NCOA1: variants seen among roughly 807,000 people sequenced by gnomAD.
NCOA1 encodes Hin-2 protein.
Under a neutral mutation model 150.9 loss-of-function variants are expected in NCOA1, and 35 were observed. The ratio of observed to expected loss-of-function variants is 0.23; its 90% CI spans 0.18 to 0.31. NCOA1 has a LOEUF of 0.31. Ranked by LOEUF, NCOA1 falls within the 10% of genes least tolerant of loss-of-function variation. The probability of loss-of-function intolerance (pLI) is 1.00; values close to 1 mark genes in which losing one functional copy is unlikely to be tolerated. For synonymous variants in NCOA1, 590 were observed against 630.0 expected (o/e 0.94, Z 0.95); for missense variants, 1,491 against 1,749.3 (o/e 0.85, Z 2.63).
intron 22 of NCOA1, among the ~76,000 whole-genome samples, chr2:24,763,366 T>G (rs199740908): frequency 6.6e-6 from 1 of 151,654 alleles, no homozygotes. Context: ...GGTGAAACCC[T>G]GTCTCTACTA....
intron 19 of NCOA1, among the ~76,000 whole-genome samples, chr2:24,750,931 G>A (rs1664194888): frequency 6.8e-6 from 1 of 146,958 alleles, no homozygotes; most frequent in African/African-American, 2.5e-5. Context: ...GGAAGGAGGG[G>A]GGGAAGAGTG....
intron 18 of NCOA1, 76 bp from the exon 19 acceptor site, chr2:24,741,708 C>T: frequency 1.4e-6 from 2 of 1,457,758 alleles, no homozygotes; most frequent in Non-Finnish European, 1.8e-6. Flanking sequence ...AGCAAGTAGG[C>T]CTTAATCCAA....
At chr2:24,630,046 T>C (rs971358296) in intron 3 of NCOA1, among the ~76,000 whole-genome samples, 1 of 151,760 alleles carries the variant, frequency 6.6e-6, no homozygotes, top group Admixed American at 6.6e-5. Flanking sequence ...GGGGTTTCAC[T>C]GTGTTAGCCA....
intron 1 of NCOA1, among the ~76,000 whole-genome samples, chr2:24,517,182 G>T (rs1021273957): frequency 5.9e-5 from 9 of 151,406 alleles, no homozygotes; most frequent in African/African-American, 2.2e-4. Context: ...TTTATTTATT[G>T]ATTTTGATTA....
intron 1 of NCOA1, among the ~76,000 whole-genome samples, chr2:24,550,563 G>A (rs556337765): frequency 2.0e-5 from 3 of 152,294 alleles, no homozygotes; most frequent in Non-Finnish European, 4.4e-5. Flanking sequence ...CTGCCCCTAT[G>A]ATTCAGTTAC....
At chr2:24,673,341 AT>A in intron 6 of NCOA1, 24 bp from the exon 7 acceptor site, 6 of 1,467,098 alleles carry the variant, frequency 4.1e-6, no homozygotes, top group South Asian at 1.4e-5. Flanking sequence ...CAGATATGTG[AT>A]TTTTTTAAGT....
chr2:24,605,877 A>G (rs1433964687), intron 3 of NCOA1, among the ~76,000 whole-genome samples: 3 of 152,168 alleles, frequency 2.0e-5, no homozygotes, highest in African/African-American at 7.2e-5. Context: ...CTTTTGGCCA[A>G]GTTTTGTTTC....
At chr2:24,671,300 G>A (rs1671672854) in intron 6 of NCOA1, among the ~76,000 whole-genome samples, 1 of 152,044 alleles carries the variant, frequency 6.6e-6, no homozygotes, top group East Asian at 1.9e-4. Context: ...GGTATGTGTG[G>A]GGGATTGGTT....
chr2:24,610,492 C>A (rs950364712), intron 3 of NCOA1, among the ~76,000 whole-genome samples: 1 of 151,926 alleles, frequency 6.6e-6, no homozygotes, highest in Non-Finnish European at 1.5e-5. Flanking sequence ...AGTTCACTGA[C>A]TCTGTTTATT....
intron 4 of NCOA1, among the ~76,000 whole-genome samples, chr2:24,652,265 C>T (rs947343161): frequency 3.9e-5 from 6 of 152,054 alleles, no homozygotes; most frequent in Admixed American, 2.0e-4. Context: ...TTTTGGTTGT[C>T]ATTGAAATGA....
rs1444824257 is a variant in NCOA1, at chr2:24,679,724, G to A, written c.355-3227G>A. ...TTTTATAAACCCAATTTAGATATGAGTGTACTTTCCTGTGCTCATCTAAAC... is the reference window on the plus strand; with the variant it reads ...TTTTATAAACCCAATTTAGATATGAATGTACTTTCCTGTGCTCATCTAAAC... On this transcript the variant is annotated intron_variant, in intron 7 of 22. Coordinates refer to ENST00000348332, the MANE Select transcript of NCOA1 (RefSeq NM_003743.5). Among the ~76,000 whole-genome samples, 3 of 152,190 alleles carry A rather than the reference G, an allele frequency of 2.0e-5. No homozygotes were observed. The East Asian group carries it at 5.8e-4, about 29-fold the overall frequency.
intron 11 of NCOA1, among the ~76,000 whole-genome samples, chr2:24,702,674 TC>T (rs1673221603): frequency 6.6e-6 from 1 of 152,206 alleles, no homozygotes; most frequent in South Asian, 2.1e-4. Context: ...TCAATAATAG[TC>T]CTTCAATATT....
Position 24,706,586 on chromosome 2 carries a change from T to G in NCOA1, c.1116T>G (p.Ser372=). 1 of 1,610,748 alleles carries G rather than the reference T, an allele frequency of 6.2e-7. No individual in the cohort carries two copies. Among genetic ancestry groups the G allele is most frequent in the South Asian group, 1.1e-5 (1 of 90,880 alleles). ...CCCCTAGGGAGCACAGTGGGCTTTC[T>G]CCTCAAGATGACACTAATTCTGGAA... ...HIIDREHSGL[S]PQDDTNSGMS... Residue 372 remains serine, a synonymous_variant, in exon 13 of 23, where the codon TCT becomes TCG. Coordinates refer to ENST00000348332, the MANE Select transcript of NCOA1 (RefSeq NM_003743.5).
At chr2:24,674,738 A>G (rs965214726) in intron 7 of NCOA1, among the ~76,000 whole-genome samples, 1 of 119,592 alleles carries the variant, frequency 8.4e-6, no homozygotes, top group Non-Finnish European at 1.8e-5. Flanking sequence ...AGTACTCATT[A>G]AGTCCAGTAT....
chr2:24,757,549 A>AC (rs1664562207), intron 20 of NCOA1, among the ~76,000 whole-genome samples: 1 of 152,156 alleles, frequency 6.6e-6, no homozygotes, highest in Admixed American at 6.5e-5. Flanking sequence ...GCTGTCTTTG[A>AC]ATCATTCATT....
chr2:24,536,283 C>A (rs771847700), intron 1 of NCOA1, among the ~76,000 whole-genome samples: 1 of 152,096 alleles, frequency 6.6e-6, no homozygotes, highest in African/African-American at 2.4e-5. Context: ...GTTCTCGTGC[C>A]GTGGTTTTCA....
intron 8 of NCOA1, among the ~76,000 whole-genome samples, chr2:24,688,483 G>A (rs1184411121): frequency 6.6e-6 from 1 of 152,042 alleles, no homozygotes; most frequent in African/African-American, 2.4e-5. Flanking sequence ...TGGTTTTGAT[G>A]TGCATTTCTC....
chr2:24,766,837 A>G (rs1375549183), intron 22 of NCOA1, among the ~76,000 whole-genome samples: 1 of 152,180 alleles, frequency 6.6e-6, no homozygotes, highest in Non-Finnish European at 1.5e-5. Context: ...GCTGGAGAGC[A>G]GACTGGGCGC....
intron 11 of NCOA1, among the ~76,000 whole-genome samples, chr2:24,702,566 A>C (rs903510456): frequency 1.3e-5 from 2 of 152,182 alleles, no homozygotes; most frequent in Non-Finnish European, 1.5e-5. Flanking sequence ...TTTGCTTTGT[A>C]GCTCTGTTGA....
Sources: gnomAD v4.1 joint callset for allele counts (sites outside exome capture counted in the v4.1 genomes callset) on GRCh38, gnomAD v4.1.1 for gene constraint, MANE v1.5 for transcripts, NCBI Gene and HGNC (gene_info 2026-07-23, HGNC 2026-07-21) for gene names.